The following ZNF677 variants were observed in gnomAD, a reference collection of about 807,000 sequenced individuals.
ZNF677 encodes the protein hypothetical protein MGC48625.
ZNF677 carries 5 observed loss-of-function variants against 8.1 expected under a neutral mutation model. The ratio of observed to expected loss-of-function variants is 0.62; its 90% confidence interval spans 0.32 to 1.29. The LOEUF (loss-of-function observed/expected upper bound fraction) is 1.29. ZNF677 is among the 50% of genes most tolerant of loss of function. ZNF677 has a pLI of 0.05. For missense variants in ZNF677, 685 were observed against 685.9 expected (o/e 1.00, Z 0.01); for synonymous variants, 221 against 225.6 (o/e 0.98, Z 0.18).
chr19:53,243,706 T>G (rs1434825998), intron 4 of ZNF677, 38 bp downstream of exon 4: 1 of 1,613,578 alleles, frequency 6.2e-7, no homozygotes, highest in East Asian at 2.2e-5. Flanking sequence ...CCCAAGAGAC[T>G]CACAAGGAAA....
rs937412650 is a variant in ZNF677, at chr19:53,254,827, G to A, written c.-127+7C>T. 1 of 152,704 alleles carries A rather than the reference G, an allele frequency of 6.5e-6. No individual in the cohort carries two copies. Among genetic ancestry groups the A allele is most frequent in the Non-Finnish European group, 1.5e-5 (1 of 68,106 alleles). 9.5% of individuals were successfully genotyped at this position (152,704 alleles called of 1,614,324 possible). On this transcript the variant is annotated splice_region_variant and intron_variant, in intron 1 of 4. Transcript: ENST00000598513. ...CGCAGGCTTGAACCCGAAAGACGGA[G>A]ACTCACCCGAGAGCGCCAGTAGCCC... is the stretch of plus-strand genomic sequence containing the variant.
In ZNF677 at chr19:53,246,317, C is replaced by CAAAAA. The variant is rs59756987; in HGVS notation, c.16-2425_16-2421dup. On this transcript the variant is annotated intron_variant, in intron 3 of 4. Transcript: ENST00000598513. ...TGGGTGACAGAGCGAGACTCCGTCC[C>CAAAAA]AAAAAAAAAGCGACCATGATCTAGT... Among the ~76,000 whole-genome samples, 20 of 122,150 alleles carry CAAAAA rather than the reference C, an allele frequency of 1.6e-4. 3 individuals are homozygous for CAAAAA. Among genetic ancestry groups the CAAAAA allele is most frequent in the Admixed American group, 2.5e-4 (3 of 11,818 alleles). 80.1% of individuals were successfully genotyped at this position (122,150 alleles called of 152,430 possible).
rs2090977952 is a variant in ZNF677 at position 53,237,019 on chromosome 19, G to A, written c.1708C>T (p.His570Tyr). ...ATTTTTGTCTCATTATATTTGATAT[G>A]TTTTTCTCTATTATAACTTTTTTGA... ...DHQKSYNREKHIKYNETKIKY... is the reference protein window; with the variant it reads ...DHQKSYNREKYIKYNETKIKY... The change falls in exon 5 of 5, where the codon CAT (histidine) becomes TAT (tyrosine). Residue 570 changes from histidine (H) to tyrosine (Y), a missense_variant. His to Tyr is a moderately conservative substitution (Grantham distance 83). Coordinates refer to ENST00000598513, the MANE Select transcript of ZNF677 (RefSeq NM_182609.4). The A allele has an allele frequency of 6.3e-7, 1 of 1,595,336 alleles. No homozygotes were observed.
intron 4 of ZNF677, chr19:53,239,110 C>T (rs913671484): frequency 3.3e-5 from 5 of 152,370 alleles, no homozygotes; most frequent in South Asian, 2.1e-4. Context: ...AAACTACTTA[C>T]ACCCATGTAG....
chr19:53,245,575 A>G (rs1310788604), intron 3 of ZNF677, among the ~76,000 whole-genome samples: 3 of 152,164 alleles, frequency 2.0e-5, no homozygotes, highest in Non-Finnish European at 4.4e-5. Context: ...ACAACATAAT[A>G]TGATCTCACA....
rs114360590 is a variant in ZNF677, at chr19:53,248,491, G to C, written c.15+3045C>G. On this transcript the variant is annotated intron_variant, in intron 3 of 4. Transcript: ENST00000598513. ...AAGACTTTGCTTAACATTTCATGCA[G>C]GGTAAGTCCACTAATGCAAACTCCC... is the stretch of plus-strand genomic sequence containing the variant. Among the ~76,000 whole-genome samples, 293 of 152,276 alleles carry C rather than the reference G, an allele frequency of 1.9e-3. 1 individual carries two copies. Among genetic ancestry groups the C allele is most frequent in the African/African-American group, 6.6e-3 (276 of 41,546 alleles).
chr19:53,244,019 T>C, intron 3 of ZNF677, 122 bp from the exon 4 acceptor site: 1 of 849,652 alleles, frequency 1.2e-6, no homozygotes, highest in East Asian at 2.9e-5. Context: ...AACTTATATA[T>C]CCCTAATTTT....
At chr19:53,253,770 T>C (rs1193670407) in intron 1 of ZNF677, among the ~76,000 whole-genome samples, 1 of 152,030 alleles carries the variant, frequency 6.6e-6, no homozygotes, top group Non-Finnish European at 1.5e-5. Context: ...GAGAAAATAC[T>C]TTGAAAATTT....
Position 53,236,945 on chromosome 19 carries a change from T to G in ZNF677, c.*27A>C. Reference sequence around the variant, plus strand: ...TTTACCACATTTTCGTTTTATATGGTTTCTTTTCACAATGGAGCCCCTGAT... The same window carrying G: ...TTTACCACATTTTCGTTTTATATGGGTTCTTTTCACAATGGAGCCCCTGAT... On this transcript the variant is annotated 3_prime_UTR_variant, in exon 5 of 5. Coordinates refer to ENST00000598513, the MANE Select transcript of ZNF677 (RefSeq NM_182609.4). The G allele has an allele frequency of 6.6e-7, 1 of 1,517,504 alleles. No homozygotes were observed. The highest frequency in any genetic ancestry group is 8.8e-7 in the Non-Finnish European group (1 of 1,139,974). 94.0% of individuals were successfully genotyped at this position (1,517,504 alleles called of 1,614,324 possible).
At position 53,237,005 on chromosome 19, in the gene ZNF677, A is replaced by G; in HGVS notation, c.1722T>C (p.Asn574=). 1 of 1,584,050 alleles carries G rather than the reference A, an allele frequency of 6.3e-7. No individual in the cohort carries two copies. ...SYNREKHIKY[N]ETKIKYSSCT is the part of the protein sequence containing the mutation. Reference sequence around the variant, plus strand: ...AGCTTGAATACTTAATTTTTGTCTCATTATATTTGATATGTTTTTCTCTAT... The same window carrying G: ...AGCTTGAATACTTAATTTTTGTCTCGTTATATTTGATATGTTTTTCTCTAT... Residue 574 remains asparagine (N), a synonymous_variant, in exon 5 of 5, where the codon AAT becomes AAC. Coordinates refer to ENST00000598513, the MANE Select transcript of ZNF677 (RefSeq NM_182609.4).
At position 53,243,893 on chromosome 19, in the gene ZNF677, A is replaced by G. The variant is rs2091095723; in HGVS notation, c.20T>C (p.Leu7Pro). The G allele has an allele frequency of 6.3e-7, 1 of 1,578,626 alleles. No homozygotes were observed. Among genetic ancestry groups the G allele is most frequent in the African/African-American group, 1.4e-5 (1 of 73,012 alleles). MALSQG[L>P]FTFKDVAIEF... is the part of the protein sequence containing the mutation. ...TATGGCCACATCCTTGAATGTAAAC[A>G]GTCCCTGAAATAAAAACACACTTCA... The change falls in exon 4 of 5, where the codon CTG becomes CCG. Residue 7 changes from leucine (L) to proline (P), a missense_variant. Coordinates refer to ENST00000598513, the MANE Select transcript of ZNF677 (RefSeq NM_182609.4).
rs563685828 is a variant in ZNF677, at chr19:53,253,096, G to A, written c.-66C>T. On this transcript the variant is annotated 5_prime_UTR_variant, in exon 2 of 5. Coordinates refer to ENST00000598513, the MANE Select transcript of ZNF677 (RefSeq NM_182609.4). ...GGAAAATATATTTACCATTCATTAA[G>A]AAGAAGTGGATCATCACAGTTCATC... 1.3e-5 allele frequency: 2 copies of A among 152,278 alleles called. No individual in the cohort carries two copies. The highest frequency in any genetic ancestry group is 4.1e-4 in the South Asian group (2 of 4,828). The allele number at this position is 152,278 out of a possible 1,614,324, so 9.4% of individuals were successfully genotyped here.
intron 3 of ZNF677, among the ~76,000 whole-genome samples, chr19:53,247,417 T>A (rs575319565): frequency 6.6e-6 from 1 of 151,914 alleles, no homozygotes; most frequent in African/African-American, 2.4e-5. Context: ...AAAAATCTCA[T>A]GTTTTAAGAA....
At position 53,236,994 on chromosome 19, in the gene ZNF677, A is replaced by T; in HGVS notation, c.1733T>A (p.Ile578Asn). The change falls in exon 5 of 5, where the codon ATT becomes AAT. Residue 578 changes from isoleucine to asparagine, a missense_variant. Ile to Asn is a moderately radical substitution (Grantham distance 149). Coordinates refer to ENST00000598513, the MANE Select transcript of ZNF677 (RefSeq NM_182609.4). ...ATGCTAGGTACAGCTTGAATACTTA[A>T]TTTTTGTCTCATTATATTTGATATG... ...EKHIKYNETKIKYSSCT is the reference protein window; with the variant it reads ...EKHIKYNETKNKYSSCT 6.4e-7 allele frequency: 1 copy of T among 1,568,970 alleles called. No individual in the cohort carries two copies. The highest frequency in any genetic ancestry group is 8.6e-7 in the Non-Finnish European group (1 of 1,163,180).
rs779891545 is a variant in ZNF677 at position 53,238,602 on chromosome 19, T to C, written c.170-45A>G. 6.8e-6 allele frequency: 10 copies of C among 1,469,440 alleles called. No individual in the cohort carries two copies. The East Asian group carries it at 2.1e-4, about 30-fold the overall frequency. The allele number at this position is 1,469,440 out of a possible 1,614,324, so 91.0% of individuals were successfully genotyped here. On this transcript the variant is annotated intron_variant, in intron 4 of 4. Transcript: ENST00000598513. ...CCACAGGCTTTCCATCAAATAGAGT[T>C]GCAAGGTAAATATTTTATTAAAATA... is the stretch of plus-strand genomic sequence containing the variant.
In ZNF677 at chr19:53,238,119, T is replaced by TG; in HGVS notation, c.607dup (p.Gln203ProfsTer11). On this transcript the variant is annotated frameshift_variant, in exon 5 of 5. Transcript: ENST00000598513. LOFTEE classifies it low-confidence loss of function (END_TRUNC). ...CATTTTCTCCCCAGTTTGAAATCTC[T>TG]GTAGTTCAGCCAGCTGTGCCTGTAA... 6.2e-7 allele frequency: 1 copy of TG among 1,614,024 alleles called. No homozygotes were observed. Among genetic ancestry groups the TG allele is most frequent in the Non-Finnish European group, 8.5e-7 (1 of 1,179,912 alleles).
chr19:53,247,649 T>C lies in ZNF677; in HGVS notation c.16-3752A>G, dbSNP rs533324861. 2.6e-5 allele frequency among the ~76,000 whole-genome samples: 4 copies of C among 152,330 alleles called. No individual in the cohort carries two copies. In the South Asian group the frequency reaches 8.3e-4, roughly 32 times the overall value. On this transcript the variant is annotated intron_variant, in intron 3 of 4. Coordinates refer to ENST00000598513, the MANE Select transcript of ZNF677 (RefSeq NM_182609.4). ...CTTGTAATTTTTGTTCCAAAATATT[T>C]GGGGTGTTGATATTTGATCCATATT... is the stretch of plus-strand genomic sequence containing the variant.
intron 4 of ZNF677, chr19:53,239,908 C>A (rs7245436): frequency 0.34 from 52,427 of 152,094 alleles, 11,285 homozygotes; most frequent in African/African-American, 0.61. Flanking sequence ...GCTAAGATGC[C>A]ATGTTCACAG....
At chr19:53,248,602 C>A (rs552019560) in intron 3 of ZNF677, among the ~76,000 whole-genome samples, 87 of 152,314 alleles carry the variant, frequency 5.7e-4, no homozygotes, top group Non-Finnish European at 9.6e-4. Context: ...CTGGATAGTT[C>A]TTTCGTTTCA....
Sources: gnomAD v4.1 joint callset for allele counts (sites outside exome capture counted in the v4.1 genomes callset) on GRCh38, gnomAD v4.1.1 for gene constraint, MANE v1.5 for transcripts, NCBI Gene and HGNC (gene_info 2026-07-23, HGNC 2026-07-21) for gene names.